TMEM248: variants seen among roughly 807,000 people sequenced by gnomAD.
TMEM248 encodes the protein transmembrane protein 248, also known as UPF0458 protein C7orf42.
A neutral mutation model predicts 30.3 loss-of-function variants in TMEM248; 9 were observed. That is an observed-to-expected ratio of 0.30 (90% confidence interval 0.18 to 0.52). TMEM248 has a LOEUF of 0.52. Among genes scored for constraint, TMEM248 ranks in the 20% least tolerant of loss-of-function variants. The pLI is 0.97. For synonymous variants in TMEM248, 184 were observed against 154.4 expected (o/e 1.19, Z -1.42); for missense variants, 338 against 403.3 (o/e 0.84, Z 1.39).
chr7:66,935,569 G>A (rs1791779182), intron 1 of TMEM248, among the ~76,000 whole-genome samples: 1 of 152,144 alleles, frequency 6.6e-6, no homozygotes, highest in Non-Finnish European at 1.5e-5. Context: ...TTGAAACGGA[G>A]TCTTACTTTG....
At chr7:66,948,402 T>G (rs1792172429) in intron 3 of TMEM248, 142 bp from the exon 4 acceptor site, 1 of 1,029,474 alleles carries the variant, frequency 9.7e-7, no homozygotes, top group East Asian at 2.6e-5. Context: ...AGGACTGCTC[T>G]TCTTCCTCAG....
chr7:66,933,648 A>G (rs889542376), intron 1 of TMEM248, among the ~76,000 whole-genome samples: 20 of 152,184 alleles, frequency 1.3e-4, no homozygotes, highest in African/African-American at 4.8e-4. Context: ...GTGGGTTGCT[A>G]GAGATATCTT....
At chr7:66,947,787 T>G (rs6971897) in intron 3 of TMEM248, among the ~76,000 whole-genome samples, 2 of 151,658 alleles carry the variant, frequency 1.3e-5, no homozygotes, top group Non-Finnish European at 2.9e-5. Flanking sequence ...ATTTTGAGAC[T>G]GGGTCTTGAT....
chr7:66,946,888 C>T (rs1792122159), intron 3 of TMEM248, among the ~76,000 whole-genome samples: 1 of 152,048 alleles, frequency 6.6e-6, no homozygotes, highest in Admixed American at 6.6e-5. Flanking sequence ...GGAAGAATAA[C>T]CTTTTGTTCT....
At chr7:66,934,868 A>G (rs1330108968) in intron 1 of TMEM248, among the ~76,000 whole-genome samples, 1 of 152,122 alleles carries the variant, frequency 6.6e-6, no homozygotes, top group Non-Finnish European at 1.5e-5. Flanking sequence ...TCTGGTCAAC[A>G]TGGTGAAACC....
intron 4 of TMEM248, 119 bp downstream of exon 4, chr7:66,948,813 A>C: frequency 9.0e-7 from 1 of 1,111,948 alleles, no homozygotes; most frequent in Non-Finnish European, 1.3e-6. Flanking sequence ...TTATAGAATT[A>C]TCTCTACTCG....
intron 3 of TMEM248, among the ~76,000 whole-genome samples, chr7:66,946,365 G>A (rs187963050): frequency 6.6e-6 from 1 of 151,854 alleles, no homozygotes; most frequent in Non-Finnish European, 1.5e-5. Flanking sequence ...ATCACTTGAG[G>A]TCAGGAGTTC....
intron 5 of TMEM248, among the ~76,000 whole-genome samples, chr7:66,951,705 T>A (rs1183280858): frequency 1.3e-5 from 2 of 151,886 alleles, no homozygotes; most frequent in Non-Finnish European, 2.9e-5. Context: ...AGAGACAGGA[T>A]CTTGCTCTGT....
chr7:66,953,934 A>ACTTT (rs1562946302), intron 6 of TMEM248, among the ~76,000 whole-genome samples: 2 of 126,236 alleles, frequency 1.6e-5, no homozygotes, highest in Admixed American at 8.7e-5. Context: ...TCTCTAGATT[A>ACTTT]CTTTCTTTTT....
intron 1 of TMEM248, among the ~76,000 whole-genome samples, chr7:66,929,712 C>A (rs959650579): frequency 1.3e-5 from 2 of 152,020 alleles, no homozygotes; most frequent in Non-Finnish European, 2.9e-5. Flanking sequence ...GGCATTACAT[C>A]TGTGAGCACC....
chr7:66,921,649 C>T (rs1267278699), intron 1 of TMEM248, among the ~76,000 whole-genome samples, 188 bp downstream of exon 1: 1 of 152,246 alleles, frequency 6.6e-6, no homozygotes, highest in Non-Finnish European at 1.5e-5. Context: ...CCTGGTCCCC[C>T]CACACTGGGG....
intron 1 of TMEM248, among the ~76,000 whole-genome samples, chr7:66,932,908 C>G (rs1791705068): frequency 2.7e-5 from 4 of 147,734 alleles, no homozygotes; most frequent in Admixed American, 2.1e-4. Context: ...ACTCCATCAC[C>G]CAGGCTGGAG....
At position 66,945,041 on chromosome 7, in the gene TMEM248, C is replaced by G. The variant is rs756827256; in HGVS notation, c.225C>G (p.Leu75=). 1 of 1,614,220 alleles carries G rather than the reference C, an allele frequency of 6.2e-7. No homozygotes were observed. Among genetic ancestry groups the G allele is most frequent in the Non-Finnish European group, 8.5e-7 (1 of 1,180,032 alleles). The part of the protein sequence containing the change: ...LDLCVSENET[L]KHLTNDTTTP... Reference sequence around the variant, plus strand: ...TGTGTGTATCAGAGAATGAAACCCTCAAGCATCTCACAAACGACACCACAA... The same window carrying G: ...TGTGTGTATCAGAGAATGAAACCCTGAAGCATCTCACAAACGACACCACAA... Residue 75 remains leucine (L), a synonymous_variant, in exon 3 of 7, where the codon CTC becomes CTG. Coordinates refer to ENST00000341567, the MANE Select transcript of TMEM248 (RefSeq NM_017994.5).
intron 1 of TMEM248, among the ~76,000 whole-genome samples, chr7:66,923,643 A>G (rs1274264933): frequency 1.3e-5 from 2 of 152,220 alleles, no homozygotes; most frequent in African/African-American, 2.4e-5. Context: ...GATAAGCATA[A>G]GCTACCCAGT....
Position 66,950,936 on chromosome 7 carries a change from T to C in TMEM248, c.597-16T>C. 6.5e-7 allele frequency: 1 copy of C among 1,540,778 alleles called. No homozygotes were observed. Among genetic ancestry groups the C allele is most frequent in the Non-Finnish European group, 8.7e-7 (1 of 1,142,928 alleles). On this transcript the variant is annotated splice_polypyrimidine_tract_variant and intron_variant, in intron 4 of 6. Coordinates refer to ENST00000341567, the MANE Select transcript of TMEM248 (RefSeq NM_017994.5). ...GCCACTGAGCACGTGTCTTTCCTCC[T>C]CCTCTTCTCCTGCAGACAGCCACCG...
At position 66,956,301 on chromosome 7, in the gene TMEM248, TGTC is replaced by T. The variant is rs1792401551; in HGVS notation, c.*783_*785del. The stretch of plus-strand genomic sequence containing the variant: ...GCTGGCATAGGAGGTTCTACTGTCT[TGTC>T]GTCCACTCTTGTCCCTCCCTTCTGT... On this transcript the variant is annotated 3_prime_UTR_variant, in exon 7 of 7. Transcript: ENST00000341567. The T allele has an allele frequency of 3.9e-5, 6 of 152,282 alleles. No homozygotes were observed. The South Asian group carries it at 1.2e-3, about 32-fold the overall frequency. 9.4% of individuals were successfully genotyped at this position (152,282 alleles called of 1,614,324 possible).
rs542463092 is a variant in TMEM248 at position 66,938,539 on chromosome 7, C to T, written c.-18-3309C>T. 4.9e-4 allele frequency among the ~76,000 whole-genome samples: 75 copies of T among 152,266 alleles called. No homozygotes were observed. In the South Asian group the frequency reaches 0.014, roughly 29 times the overall value. ...TTTGTTTTCTTTTGAGATGGAGTCT[C>T]GCTCTATCGTCGAAGCTGAAGTGCA... is the stretch of plus-strand genomic sequence containing the variant. On this transcript the variant is annotated intron_variant, in intron 1 of 6. Transcript: ENST00000341567.
chr7:66,943,585 G>A (rs1025909966), intron 2 of TMEM248, among the ~76,000 whole-genome samples: 2 of 152,134 alleles, frequency 1.3e-5, no homozygotes, highest in Admixed American at 6.6e-5. Context: ...TTTGCCCTGG[G>A]CCTCAGTTTC....
chr7:66,942,679 A>G (rs1013200384), intron 2 of TMEM248, among the ~76,000 whole-genome samples: 5 of 152,042 alleles, frequency 3.3e-5, no homozygotes, highest in African/African-American at 9.7e-5. Context: ...TCTTTTTAGT[A>G]GAGACGGGGT....
Sources: gnomAD v4.1 joint callset for allele counts (sites outside exome capture counted in the v4.1 genomes callset) on GRCh38, gnomAD v4.1.1 for gene constraint, MANE v1.5 for transcripts, NCBI Gene and HGNC (gene_info 2026-07-23, HGNC 2026-07-21) for gene names.